Variants in RXRA observed in about 807,000 individuals in gnomAD.
The protein encoded by RXRA is retinoid X receptor alpha.
In RXRA, 5 loss-of-function variants were observed where a neutral mutation model predicts 44.5. The ratio of observed to expected loss-of-function variants is 0.11; its 90% confidence interval spans 0.06 to 0.24. The LOEUF is 0.24. Ranked by LOEUF, RXRA falls within the 10% of genes least tolerant of loss-of-function variation. The probability of loss-of-function intolerance (pLI) is 1.00; values close to 1 mark genes in which losing one functional copy is unlikely to be tolerated. For missense variants in RXRA, 412 were observed against 646.5 expected (o/e 0.64, Z 3.93); for synonymous variants, 291 against 271.4 (o/e 1.07, Z -0.71).
intron 1 of RXRA, among the ~76,000 whole-genome samples, chr9:134,358,744 C>G (rs1421147472): frequency 6.6e-6 from 1 of 152,210 alleles, no homozygotes; most frequent in African/African-American, 2.4e-5. Context: ...GTTTCCAGGG[C>G]AGGCCTGGGC....
chr9:134,346,840 C>G (rs928446655), intron 1 of RXRA, among the ~76,000 whole-genome samples: 1 of 152,208 alleles, frequency 6.6e-6, no homozygotes, highest in African/African-American at 2.4e-5. Context: ...CTTGTCGGGA[C>G]AGTGTGGGTT....
At chr9:134,374,516 G>A in intron 1 of RXRA, among the ~76,000 whole-genome samples, 1 of 152,160 alleles carries the variant, frequency 6.6e-6, no homozygotes, top group East Asian at 1.9e-4. Flanking sequence ...CTGTTTCAAT[G>A]GGTTCTGGCT....
rs572847915 is a variant in RXRA at position 134,413,200 on chromosome 9, G to A, written c.611-3958G>A. On this transcript the variant is annotated intron_variant, in intron 4 of 9. Coordinates refer to ENST00000481739, the MANE Select transcript of RXRA (RefSeq NM_002957.6). Reference sequence around the variant, plus strand: ...CAGGAAGACCCCTGCGAGCTTGGGGGTGGATGAGAGTGCTGTGCGTGGCTG... The same window carrying A: ...CAGGAAGACCCCTGCGAGCTTGGGGATGGATGAGAGTGCTGTGCGTGGCTG... Among the ~76,000 whole-genome samples, 6 of 152,298 alleles carry A rather than the reference G, an allele frequency of 3.9e-5. No homozygotes were observed. In the East Asian group the frequency reaches 1.2e-3, roughly 29 times the overall value.
chr9:134,401,959 T>C, intron 2 of RXRA, 77 bp downstream of exon 2: 1 of 1,205,398 alleles, frequency 8.3e-7, no homozygotes, highest in Non-Finnish European at 1.1e-6. Context: ...GACGACCGCC[T>C]CATCTTGAGG....
chr9:134,406,544 C>T (rs1003745705), intron 2 of RXRA: 3 of 152,206 alleles, frequency 2.0e-5, no homozygotes, highest in African/African-American at 2.4e-5. Flanking sequence ...GCCAGGGATC[C>T]GCCTCTGGGG....
At chr9:134,336,716 GC>G (rs1349892492) in intron 1 of RXRA, among the ~76,000 whole-genome samples, 7 of 152,208 alleles carry the variant, frequency 4.6e-5, no homozygotes, top group Admixed American at 4.6e-4. Flanking sequence ...AGTGCCAGGT[GC>G]CATATAAGCC....
intron 1 of RXRA, chr9:134,379,270 A>T (rs1830603683): frequency 1.0e-6 from 1 of 986,136 alleles, no homozygotes; most frequent in African/African-American, 1.7e-5. Context: ...GGCCTGCCCC[A>T]TCAGCAACAG....
At chr9:134,422,598 C>A (rs868482600) in intron 6 of RXRA, 6 of 883,002 alleles carry the variant, frequency 6.8e-6, no homozygotes, top group African/African-American at 3.9e-5. Flanking sequence ...GGACACTCCC[C>A]GCTCCCAGGA....
At position 134,408,030 on chromosome 9, in the gene RXRA, C is replaced by T. The variant is rs1267056980; in HGVS notation, c.280-119C>T. ...GGGTGGGGGGCACGGCCCTCTCTAG[C>T]CTCGGTGTCTGTGTGTGAAGTTGGG... On this transcript the variant is annotated intron_variant, in intron 2 of 9. Transcript: ENST00000481739. 13 of 743,096 alleles carry T rather than the reference C, an allele frequency of 1.7e-5. No individual in the cohort carries two copies. The East Asian group carries it at 3.9e-4, about 22-fold the overall frequency. 46.0% of individuals were successfully genotyped at this position (743,096 alleles called of 1,614,324 possible).
intron 6 of RXRA, among the ~76,000 whole-genome samples, chr9:134,428,193 A>G (rs1232969784): frequency 1.4e-4 from 17 of 118,660 alleles, no homozygotes; most frequent in South Asian, 3.0e-4. Flanking sequence ...CTATGTTGAG[A>G]GGCTGCTGTT....
rs1181221028 is a variant in RXRA at position 134,427,091 on chromosome 9, C to T, written c.911-2017C>T. ...TCCCCTCCCTGGGCCACAGATTACC[C>T]ACATGTCAGATTGAGGGGGCCTCTT... On this transcript the variant is annotated intron_variant, in intron 6 of 9. Coordinates refer to ENST00000481739, the MANE Select transcript of RXRA (RefSeq NM_002957.6). 1.2e-5 allele frequency: 12 copies of T among 982,734 alleles called. No individual in the cohort carries two copies. The Admixed American group carries it at 6.8e-4, about 55-fold the overall frequency. The allele number at this position is 982,734 out of a possible 1,614,324, so 60.9% of individuals were successfully genotyped here. A position where few individuals can be genotyped will look rare whatever the true frequency, so the allele number is the denominator to read the frequency against.
intron 9 of RXRA, among the ~76,000 whole-genome samples, chr9:134,434,763 T>C (rs79235162): frequency 0.017 from 2,565 of 152,218 alleles, 74 homozygotes; most frequent in African/African-American, 0.059. Context: ...AGAGAAACGT[T>C]TGTGGATCCC....
At chr9:134,369,276 ATG>A (rs1236887272) in intron 1 of RXRA, among the ~76,000 whole-genome samples, 2 of 32,032 alleles carry the variant, frequency 6.2e-5, no homozygotes, top group Admixed American at 5.7e-4. Flanking sequence ...GTGGGGGGTT[ATG>A]TGTGTGTGTG....
At chr9:134,403,987 T>A (rs1224119783) in intron 2 of RXRA, 2 of 152,236 alleles carry the variant, frequency 1.3e-5, no homozygotes, top group African/African-American at 4.8e-5. Flanking sequence ...TGGCCCTGGT[T>A]CCCCAGAACC....
chr9:134,375,399 G>C (rs1219364577), intron 1 of RXRA, among the ~76,000 whole-genome samples: 1 of 152,174 alleles, frequency 6.6e-6, no homozygotes, highest in Non-Finnish European at 1.5e-5. Flanking sequence ...GGGGTCTGAG[G>C]GGGGATGCTC....
chr9:134,381,749 C>G (rs952234845), intron 1 of RXRA, among the ~76,000 whole-genome samples: 2 of 152,104 alleles, frequency 1.3e-5, no homozygotes, highest in African/African-American at 4.8e-5. Flanking sequence ...TTCAGCGGCC[C>G]TGGTTAGGGC....
chr9:134,361,203 C>T (rs1415896451), intron 1 of RXRA, among the ~76,000 whole-genome samples: 7 of 152,214 alleles, frequency 4.6e-5, no homozygotes, highest in African/African-American at 1.2e-4. Context: ...GAACCTTTTC[C>T]GGTTGGGCAC....
In RXRA at chr9:134,417,385, A is replaced by C; in HGVS notation, c.780+58A>C. 1 of 1,572,616 alleles carries C rather than the reference A, an allele frequency of 6.4e-7. No individual in the cohort carries two copies. The highest frequency in any genetic ancestry group is 8.7e-7 in the Non-Finnish European group (1 of 1,152,332). On this transcript the variant is annotated intron_variant, in intron 5 of 9. Transcript: ENST00000481739. The surrounding 1 kb of genome is among the most constrained non-coding windows in gnomAD (Gnocchi z 6.1). ...TCACATGCCTCAGTTTCCCTCACTCACTCACCCTCCCACCTGAGCAGCTGA... is the reference window on the plus strand; with the variant it reads ...TCACATGCCTCAGTTTCCCTCACTCCCTCACCCTCCCACCTGAGCAGCTGA...
At chr9:134,338,699 G>A (rs1247590512) in intron 1 of RXRA, among the ~76,000 whole-genome samples, 1 of 152,336 alleles carries the variant, frequency 6.6e-6, no homozygotes, top group East Asian at 1.9e-4. Context: ...ACTCATTATC[G>A]GAGGGGGCAG....
Sources: allele counts gnomAD v4.1 joint callset (sites outside exome capture counted in the v4.1 genomes callset), GRCh38; gene constraint gnomAD v4.1.1; non-coding constraint Gnocchi (gnomAD v3.1); transcripts MANE v1.5; gene names NCBI Gene and HGNC (gene_info 2026-07-23, HGNC 2026-07-21).